The following OPCML variants were observed in gnomAD, a reference collection of about 807,000 sequenced individuals.
OPCML encodes the protein opioid binding protein/cell adhesion molecule like.
Under a neutral mutation model 37.8 loss-of-function variants are expected in OPCML, and 13 were observed. The ratio of observed to expected loss-of-function variants is 0.34; its 90% CI spans 0.22 to 0.55. The LOEUF (loss-of-function observed/expected upper bound fraction) is 0.55, where lower values mean the gene tolerates loss of function less well. Ranked by LOEUF, OPCML falls within the 20% of genes least tolerant of loss-of-function variation. The probability of loss-of-function intolerance (pLI) is 0.91; values close to 1 mark genes in which losing one functional copy is unlikely to be tolerated. For synonymous variants in OPCML, 176 were observed against 168.8 expected, an observed-to-expected ratio of 1.04 and a Z score of -0.33; for missense variants, 341 against 435.6, an observed-to-expected ratio of 0.78 and a Z score of 1.93.
At chr11:133,488,758 A>G (rs192441183) in intron 1 of OPCML, among the ~76,000 whole-genome samples, 120 of 152,274 alleles carry the variant, frequency 7.9e-4, no homozygotes, top group Non-Finnish European at 1.2e-3. Flanking sequence ...AAAAACCAGA[A>G]TAGCCACAGC....
At chr11:133,135,583 G>A (rs530629125) in intron 1 of OPCML, among the ~76,000 whole-genome samples, 2 of 152,060 alleles carry the variant, frequency 1.3e-5, no homozygotes, top group Non-Finnish European at 2.9e-5. Context: ...ATCTCCCATA[G>A]ATATTTATAG....
intron 2 of OPCML, among the ~76,000 whole-genome samples, chr11:132,919,574 A>C (rs2136575806): frequency 6.6e-6 from 1 of 152,300 alleles, no homozygotes; most frequent in Admixed American, 6.5e-5. Context: ...CAGCTCCCAA[A>C]GCCTCTCTGG....
chr11:132,898,162 A>T (rs1217338425), intron 2 of OPCML, among the ~76,000 whole-genome samples: 1 of 152,204 alleles, frequency 6.6e-6, no homozygotes, highest in East Asian at 1.9e-4. Flanking sequence ...CCTGTTGCAG[A>T]GACCAACGCT....
At chr11:133,126,344 G>T (rs146548325) in intron 1 of OPCML, among the ~76,000 whole-genome samples, 1 of 152,022 alleles carries the variant, frequency 6.6e-6, no homozygotes, top group African/African-American at 2.4e-5. Context: ...TGATGCCCAC[G>T]CACACTGTGA....
chr11:132,729,392 TAC>T (rs3066898), intron 2 of OPCML, among the ~76,000 whole-genome samples: 6 of 151,476 alleles, frequency 4.0e-5, no homozygotes, highest in African/African-American at 4.9e-5. Flanking sequence ...TTATAGATTT[TAC>T]ACACACACAC....
At chr11:133,264,677 T>C (rs776162142) in intron 1 of OPCML, among the ~76,000 whole-genome samples, 6 of 152,100 alleles carry the variant, frequency 3.9e-5, no homozygotes, top group Non-Finnish European at 8.8e-5. Flanking sequence ...AAACCTCAGA[T>C]TCCTCAACTT....
At chr11:132,441,695 G>T (rs541504364) in intron 4 of OPCML, among the ~76,000 whole-genome samples, 8 of 152,290 alleles carry the variant, frequency 5.3e-5, no homozygotes, top group African/African-American at 1.9e-4. Context: ...AAAAACTGAG[G>T]CTGTTTCCAT....
In OPCML at chr11:132,984,795, A is replaced by G. The variant is rs537530593; in HGVS notation, c.62-41785T>C. On this transcript the variant is annotated intron_variant, in intron 1 of 7. Transcript: ENST00000524381. Reference sequence around the variant, plus strand: ...ATCTATTTACAGTAAGAATCCTGAGAACTTTCAGTGACCTGCACTGTCTCG... The same window carrying G: ...ATCTATTTACAGTAAGAATCCTGAGGACTTTCAGTGACCTGCACTGTCTCG... Among the ~76,000 whole-genome samples the G allele has an allele frequency of 2.6e-5, 4 of 152,304 alleles. No individual in the cohort carries two copies. The South Asian group carries it at 8.3e-4, about 32-fold the overall frequency.
At chr11:133,430,548 A>T (rs1946095445) in intron 1 of OPCML, among the ~76,000 whole-genome samples, 1 of 152,230 alleles carries the variant, frequency 6.6e-6, no homozygotes, top group Non-Finnish European at 1.5e-5. Context: ...GAAAAGAAAA[A>T]AATGTACACG....
At chr11:132,678,484 G>A (rs1337980611) in intron 2 of OPCML, among the ~76,000 whole-genome samples, 7 of 152,140 alleles carry the variant, frequency 4.6e-5, no homozygotes, top group African/African-American at 1.7e-4. Context: ...CCTAAATTAG[G>A]AAGCAACTAA....
intron 3 of OPCML, among the ~76,000 whole-genome samples, chr11:132,641,654 C>A (rs1158170726): frequency 6.6e-6 from 1 of 152,148 alleles, no homozygotes; most frequent in Non-Finnish European, 1.5e-5. Context: ...AGATTTTAAG[C>A]CTTATTTTGA....
chr11:133,096,332 T>C (rs1229744856), intron 1 of OPCML, among the ~76,000 whole-genome samples: 2 of 152,012 alleles, frequency 1.3e-5, no homozygotes. Context: ...TAGTGTGAAC[T>C]CTAGGGCAAC....
At chr11:132,462,209 C>A (rs969753580) in intron 4 of OPCML, among the ~76,000 whole-genome samples, 3 of 152,094 alleles carry the variant, frequency 2.0e-5, no homozygotes, top group Non-Finnish European at 4.4e-5. Flanking sequence ...AGAATCCCCC[C>A]ACCGCACCGC....
chr11:132,503,402 A>T (rs2096249824), intron 4 of OPCML, among the ~76,000 whole-genome samples: 1 of 152,202 alleles, frequency 6.6e-6, no homozygotes, highest in East Asian at 1.9e-4. Flanking sequence ...TTGATCACTT[A>T]TGCATTGTCA....
In OPCML at chr11:132,694,179, C is replaced by CTTT. The variant is rs1162305568; in HGVS notation, c.147-36863_147-36861dup. Among the ~76,000 whole-genome samples the CTTT allele has an allele frequency of 4.0e-4, 17 of 43,016 alleles. 3 individuals carry two copies. The highest frequency in any genetic ancestry group is 2.0e-3 in the East Asian group (2 of 990). 28.2% of individuals were successfully genotyped at this position (43,016 alleles called of 152,430 possible). On this transcript the variant is annotated intron_variant, in intron 2 of 7. Transcript: ENST00000524381. ...GAGTTTCGTTCTGTGAAATCAATGT[C>CTTT]TTTTTTTTTTTTTTTTTTTTTTTTT...
In OPCML at chr11:132,712,102, C is replaced by T. The variant is rs115749242; in HGVS notation, c.147-54783G>A. 5.0e-3 allele frequency among the ~76,000 whole-genome samples: 765 copies of T among 152,274 alleles called. 9 individuals carry two copies. The highest frequency in any genetic ancestry group is 0.018 in the African/African-American group (746 of 41,562). On this transcript the variant is annotated intron_variant, in intron 2 of 7. Coordinates refer to ENST00000524381, the MANE Select transcript of OPCML (RefSeq NM_001012393.5). Reference sequence around the variant, plus strand: ...GTCCCATAGGGTGGTGGCAGGAAGCCATTCCCAGAGAGGAGGAAGGGGTTG... The same window carrying T: ...GTCCCATAGGGTGGTGGCAGGAAGCTATTCCCAGAGAGGAGGAAGGGGTTG...
At chr11:132,880,271 A>G (rs1943177467) in intron 2 of OPCML, among the ~76,000 whole-genome samples, 2 of 152,242 alleles carry the variant, frequency 1.3e-5, no homozygotes, top group African/African-American at 4.8e-5. Flanking sequence ...AACGTCTGCC[A>G]TGCTGACAAA....
At chr11:133,143,309 C>T (rs1033665766) in intron 1 of OPCML, among the ~76,000 whole-genome samples, 4 of 152,170 alleles carry the variant, frequency 2.6e-5, no homozygotes, top group African/African-American at 9.7e-5. Context: ...CTATCATTAG[C>T]TTTGCTGAGT....
At chr11:132,444,662 C>G (rs1319108991) in intron 4 of OPCML, among the ~76,000 whole-genome samples, 1 of 152,140 alleles carries the variant, frequency 6.6e-6, no homozygotes, top group African/African-American at 2.4e-5. Context: ...AACTCCCCCT[C>G]TCCCTCTCCT....
Sources: gnomAD v4.1 joint callset for allele counts (sites outside exome capture counted in the v4.1 genomes callset) on GRCh38, gnomAD v4.1.1 for gene constraint, MANE v1.5 for transcripts, NCBI Gene and HGNC (gene_info 2026-07-23, HGNC 2026-07-21) for gene names.